Variants in PRMT3 observed in about 807,000 individuals in gnomAD.
The protein encoded by PRMT3 is protein arginine methyltransferase 3.
In PRMT3, 62 loss-of-function variants were observed where a neutral mutation model predicts 71.9. The observed-to-expected ratio is 0.86, with a 90% CI of 0.70 to 1.07. The LOEUF is 1.07. Among genes scored for constraint, PRMT3 ranks in the 50% least tolerant of loss-of-function variants. PRMT3 has a pLI of 0.00. For missense variants in PRMT3, 663 were observed against 643.0 expected (o/e 1.03, Z -0.34); for synonymous variants, 213 against 220.4 (o/e 0.97, Z 0.30).
At chr11:20,410,500 T>TGGTC (rs10647170) in intron 9 of PRMT3, among the ~76,000 whole-genome samples, 124,492 of 151,816 alleles carry the variant, frequency 0.82, 52,971 homozygotes, top group Non-Finnish European at 0.95. Context: ...TCAAAATAAA[T>TGGTC]AGGTAGTTGT....
chr11:20,448,859 G>A (rs1225945277), intron 10 of PRMT3, among the ~76,000 whole-genome samples: 1 of 152,112 alleles, frequency 6.6e-6, no homozygotes, highest in Non-Finnish European at 1.5e-5. Flanking sequence ...GTTGGAAGAA[G>A]AATGCCCATG....
At chr11:20,390,436 G>A (rs868456485) in intron 3 of PRMT3, among the ~76,000 whole-genome samples, 96 of 151,590 alleles carry the variant, frequency 6.3e-4, no homozygotes, top group African/African-American at 2.2e-3. Context: ...AAGTGTAGAT[G>A]TAGGACTTGA....
intron 9 of PRMT3, among the ~76,000 whole-genome samples, chr11:20,425,689 C>G (rs1849530727): frequency 6.6e-6 from 1 of 152,174 alleles, no homozygotes; most frequent in Admixed American, 6.5e-5. Flanking sequence ...GAAACTCTGT[C>G]TGTAAAATGC....
intron 9 of PRMT3, 123 bp from the exon 10 acceptor site, chr11:20,426,643 A>G (rs191539189): frequency 4.8e-6 from 5 of 1,049,326 alleles, no homozygotes; most frequent in Admixed American, 4.4e-5. Context: ...AAGAACAACT[A>G]AGCTTTGATT....
At chr11:20,479,154 G>C (rs566230779) in intron 13 of PRMT3, among the ~76,000 whole-genome samples, 46 of 152,270 alleles carry the variant, frequency 3.0e-4, no homozygotes, top group African/African-American at 1.0e-3. Context: ...TCCTCCTTGT[G>C]AATGACCATG....
intron 15 of PRMT3, among the ~76,000 whole-genome samples, chr11:20,499,558 T>G (rs1405229948): frequency 6.6e-6 from 1 of 152,034 alleles, no homozygotes; most frequent in Non-Finnish European, 1.5e-5. Context: ...GCCCAGGAGG[T>G]CCAGGCTGTG....
chr11:20,409,338 C>T (rs1849142265), intron 9 of PRMT3, among the ~76,000 whole-genome samples: 3 of 152,106 alleles, frequency 2.0e-5, no homozygotes, highest in Admixed American at 2.0e-4. Context: ...AGTTGTTTCA[C>T]TGTCAAATGA....
At chr11:20,399,297 G>T (rs531120672) in intron 7 of PRMT3, among the ~76,000 whole-genome samples, 28 of 152,226 alleles carry the variant, frequency 1.8e-4, no homozygotes, top group Admixed American at 1.2e-3. Flanking sequence ...AGTTTTGCTG[G>T]ATCACAGAAT....
chr11:20,478,437 C>CT (rs1850849014), intron 13 of PRMT3, among the ~76,000 whole-genome samples: 1 of 150,830 alleles, frequency 6.6e-6, no homozygotes, highest in Admixed American at 6.6e-5. Flanking sequence ...CAATTCAGTT[C>CT]TTTGATGATC....
chr11:20,425,945 C>T (rs1467535263), intron 9 of PRMT3, among the ~76,000 whole-genome samples: 1 of 152,226 alleles, frequency 6.6e-6, no homozygotes, highest in East Asian at 1.9e-4. Context: ...AAAAAATCCT[C>T]TATAGTTACA....
chr11:20,449,340 T>C (rs1270301569), intron 10 of PRMT3, among the ~76,000 whole-genome samples: 4 of 152,158 alleles, frequency 2.6e-5, no homozygotes, highest in Non-Finnish European at 5.9e-5. Flanking sequence ...AATTCTAATC[T>C]TGTTTAATAT....
intron 15 of PRMT3, among the ~76,000 whole-genome samples, chr11:20,504,707 T>TGAGAGAGAGAGA (rs57201745): frequency 4.5e-4 from 60 of 133,638 alleles, no homozygotes; most frequent in Admixed American, 1.1e-3. Context: ...TGTGTGTGTG[T>TGAGAGAGAGAGA]GAGAGAGAGA....
chr11:20,416,168 A>G (rs1849300288), intron 9 of PRMT3, among the ~76,000 whole-genome samples: 3 of 152,010 alleles, frequency 2.0e-5, no homozygotes, highest in African/African-American at 7.2e-5. Flanking sequence ...TTTGCCTCCC[A>G]CCACTCTCTG....
chr11:20,454,047 A>C (rs1850213892), intron 11 of PRMT3, among the ~76,000 whole-genome samples: 1 of 152,200 alleles, frequency 6.6e-6, no homozygotes, highest in Admixed American at 6.5e-5. Flanking sequence ...GCTGCCAAAC[A>C]ATATACTCTA....
chr11:20,440,203 T>C (rs527331107), intron 10 of PRMT3, among the ~76,000 whole-genome samples: 6 of 152,264 alleles, frequency 3.9e-5, no homozygotes, highest in African/African-American at 1.4e-4. Context: ...AAAATACTAA[T>C]GTTAAGAGAA....
intron 8 of PRMT3, chr11:20,406,000 C>G (rs772491567): frequency 1.2e-4 from 18 of 152,310 alleles, no homozygotes; most frequent in Middle Eastern, 3.4e-3. Context: ...AATCACTGTT[C>G]TACTTTCTGT....
intron 7 of PRMT3, among the ~76,000 whole-genome samples, chr11:20,401,553 A>C (rs1035596929): frequency 6.6e-6 from 1 of 152,094 alleles, no homozygotes; most frequent in Non-Finnish European, 1.5e-5. Context: ...TTAAAAAAAA[A>C]CTCAGTTGGC....
chr11:20,393,551 C>G (rs1285358723), intron 5 of PRMT3, among the ~76,000 whole-genome samples: 1 of 152,186 alleles, frequency 6.6e-6, no homozygotes, highest in Non-Finnish European at 1.5e-5. Flanking sequence ...TAATTCTTCT[C>G]TGCCCGAAAG....
intron 8 of PRMT3, among the ~76,000 whole-genome samples, chr11:20,403,533 A>G (rs2133314746): frequency 6.6e-6 from 1 of 151,404 alleles, no homozygotes; most frequent in South Asian, 2.1e-4. Flanking sequence ...ATGATCTTAT[A>G]CCCTGTGTGT....
Sources: gnomAD v4.1 joint callset for allele counts (sites outside exome capture counted in the v4.1 genomes callset) on GRCh38, gnomAD v4.1.1 for gene constraint, MANE v1.5 for transcripts, NCBI Gene and HGNC (gene_info 2026-07-23, HGNC 2026-07-21) for gene names.